PRDM11: variants seen among roughly 807,000 people sequenced by gnomAD.
PRDM11 encodes PR domain-containing protein 11.
PRDM11 carries 20 observed loss-of-function variants against 97.8 expected under a neutral mutation model. The observed-to-expected ratio is 0.20, with a 90% CI of 0.14 to 0.30. The LOEUF (loss-of-function observed/expected upper bound fraction) is 0.30. Ranked by LOEUF, PRDM11 falls within the 10% of genes least tolerant of loss-of-function variation. PRDM11 has a pLI of 1.00. For missense variants in PRDM11, 1,139 were observed against 1,555.2 expected (o/e 0.73, Z 4.50); for synonymous variants, 599 against 637.7 (o/e 0.94, Z 0.91).
At chr11:45,155,525 G>A (rs1039070704) in intron 1 of PRDM11, among the ~76,000 whole-genome samples, 10 of 152,140 alleles carry the variant, frequency 6.6e-5, no homozygotes, top group African/African-American at 2.4e-4. Flanking sequence ...CCCAAACAGA[G>A]TGTCATTTTC....
At chr11:45,157,886 C>T (rs1229709833) in intron 1 of PRDM11, among the ~76,000 whole-genome samples, 1 of 152,110 alleles carries the variant, frequency 6.6e-6, no homozygotes, top group Non-Finnish European at 1.5e-5. Context: ...TCAGGGAAAG[C>T]TGTCAGAAGG....
chr11:45,103,246 G>C (rs1451331083), intron 1 of PRDM11, among the ~76,000 whole-genome samples: 1 of 152,138 alleles, frequency 6.6e-6, no homozygotes, highest in African/African-American at 2.4e-5. Context: ...CCTCCTCCCC[G>C]GCCTTGGAGC....
intron 1 of PRDM11, among the ~76,000 whole-genome samples, chr11:45,149,331 C>G (rs1034655359): frequency 6.6e-6 from 1 of 152,234 alleles, no homozygotes; most frequent in African/African-American, 2.4e-5. Context: ...ATGATCTGGC[C>G]CCTGCCCTTG....
intron 1 of PRDM11, among the ~76,000 whole-genome samples, chr11:45,174,261 G>A (rs1183667446): frequency 6.6e-6 from 1 of 152,150 alleles, no homozygotes; most frequent in East Asian, 1.9e-4. Context: ...ACTGAATTTG[G>A]TGAATATTGT....
In PRDM11 at chr11:45,224,432, G is replaced by T; in HGVS notation, c.958G>T (p.Ala320Ser). 1 of 1,614,224 alleles carries T rather than the reference G, an allele frequency of 6.2e-7. No homozygotes were observed. The highest frequency in any genetic ancestry group is 8.5e-7 in the Non-Finnish European group (1 of 1,180,040). Residue 320 changes from alanine to serine, a missense_variant, in exon 7 of 8, where the codon GCC (alanine) becomes TCC (serine). Around this residue, in one of 2 missense-constraint regions of PRDM11, gnomAD observed 429 missense variants for 510.3 expected, o/e 0.84. Coordinates refer to ENST00000683152, the MANE Select transcript of PRDM11 (RefSeq NM_001384648.1). Reference sequence around the variant, plus strand: ...CTCACTGGAATCTGCGAAGGTGGAAGCCCACCAGTTGGCCCTGAGCACCTC... The same window carrying T: ...CTCACTGGAATCTGCGAAGGTGGAATCCCACCAGTTGGCCCTGAGCACCTC... ...EASLESAKVE[A>S]HQLALSTSLV...
intron 1 of PRDM11, among the ~76,000 whole-genome samples, chr11:45,119,636 A>C (rs1852384299): frequency 1.4e-5 from 2 of 147,454 alleles, no homozygotes; most frequent in Admixed American, 6.7e-5. Flanking sequence ...AAAAAAAAAA[A>C]AAAAAAAAAA....
intron 1 of PRDM11, among the ~76,000 whole-genome samples, chr11:45,141,535 C>T (rs1037817314): frequency 6.6e-6 from 1 of 152,206 alleles, no homozygotes; most frequent in African/African-American, 2.4e-5. Flanking sequence ...GAAAGGATTT[C>T]AGGTAGCTCA....
rs1183339151 is a variant in PRDM11 at position 45,194,590 on chromosome 11, C to CTTTTTTTTTTTTTTTTTTTTTTTTTT, written c.487-10120_487-10119insTTTTTTTTTTTTTTTTTTTTTTTTTT. On this transcript the variant is annotated intron_variant, in intron 4 of 7. Coordinates refer to ENST00000683152, the MANE Select transcript of PRDM11 (RefSeq NM_001384648.1). Reference sequence around the variant, plus strand: ...AGTACTGTGGGATAGTTATTATCTTCTGTTTTTTTTTTTTTTTTTTTTTTT... The same window carrying CTTTTTTTTTTTTTTTTTTTTTTTTTT: ...AGTACTGTGGGATAGTTATTATCTTCTTTTTTTTTTTTTTTTTTTTTTTTTTTGTTTTTTTTTTTTTTTTTTTTTTT... Among the ~76,000 whole-genome samples, 3 of 89,992 alleles carry CTTTTTTTTTTTTTTTTTTTTTTTTTT rather than the reference C, an allele frequency of 3.3e-5. 1 individual carries two copies. The highest frequency in any genetic ancestry group is 4.5e-5 in the Non-Finnish European group (2 of 44,720). The allele number at this position is 89,992 out of a possible 152,430, so 59.0% of individuals were successfully genotyped here. A position where few individuals can be genotyped will look rare whatever the true frequency, so the allele number is the denominator to read the frequency against.
intron 1 of PRDM11, among the ~76,000 whole-genome samples, chr11:45,107,213 G>A (rs1304156181): frequency 1.3e-5 from 2 of 152,164 alleles, no homozygotes; most frequent in Non-Finnish European, 2.9e-5. Flanking sequence ...AGGGTCTGAT[G>A]GAAGCTCAAA....
At chr11:45,222,377 G>A (rs533637428) in intron 6 of PRDM11, among the ~76,000 whole-genome samples, 5 of 152,270 alleles carry the variant, frequency 3.3e-5, no homozygotes, top group South Asian at 2.1e-4. Flanking sequence ...TTGATTTCCC[G>A]ATGTCCTCAG....
At chr11:45,117,083 G>C (rs1481075070) in intron 1 of PRDM11, among the ~76,000 whole-genome samples, 2 of 152,024 alleles carry the variant, frequency 1.3e-5, no homozygotes, top group Admixed American at 6.5e-5. Context: ...AATTAGCTGG[G>C]TGTGGTGGTG....
intron 1 of PRDM11, among the ~76,000 whole-genome samples, chr11:45,150,710 G>A (rs752931760): frequency 6.6e-6 from 1 of 152,174 alleles, no homozygotes; most frequent in Non-Finnish European, 1.5e-5. Context: ...ACATTGACTC[G>A]AGGTCCCTGC....
intron 1 of PRDM11, among the ~76,000 whole-genome samples, chr11:45,159,272 G>A (rs1851876060): frequency 6.6e-6 from 1 of 152,220 alleles, no homozygotes; most frequent in African/African-American, 2.4e-5. Context: ...CCTGGGCCCA[G>A]CAGTGGCCTC....
chr11:45,133,911 A>C (rs1243426776), intron 1 of PRDM11, among the ~76,000 whole-genome samples: 1 of 152,218 alleles, frequency 6.6e-6, no homozygotes, highest in African/African-American at 2.4e-5. Context: ...AGCCATCAGC[A>C]CTGTTTGAGA....
intron 1 of PRDM11, among the ~76,000 whole-genome samples, chr11:45,156,928 A>C (rs1851808433): frequency 6.6e-6 from 1 of 152,210 alleles, no homozygotes; most frequent in Non-Finnish European, 1.5e-5. Flanking sequence ...CCCATGGTTC[A>C]GGAATGGCAA....
At chr11:45,106,528 T>C (rs2082433006) in intron 1 of PRDM11, among the ~76,000 whole-genome samples, 1 of 152,116 alleles carries the variant, frequency 6.6e-6, no homozygotes, top group South Asian at 2.1e-4. Context: ...ATGGATTCTG[T>C]GGGTCAGAAA....
chr11:45,184,864 C>T (rs1305666361), intron 4 of PRDM11, among the ~76,000 whole-genome samples: 4 of 151,934 alleles, frequency 2.6e-5, no homozygotes, highest in African/African-American at 9.7e-5. Flanking sequence ...GAGCGCAGAA[C>T]CTAGGGAGAA....
intron 5 of PRDM11, chr11:45,212,330 A>G (rs1249011991): frequency 6.3e-6 from 2 of 317,664 alleles, no homozygotes; most frequent in Non-Finnish European, 1.3e-5. Flanking sequence ...GGATTTCTCT[A>G]TGGGCGGGGG....
intron 4 of PRDM11, among the ~76,000 whole-genome samples, chr11:45,194,346 G>A (rs1016593928): frequency 6.6e-6 from 1 of 152,068 alleles, no homozygotes; most frequent in Non-Finnish European, 1.5e-5. Flanking sequence ...TAAACTTCCT[G>A]GCTTTGCCGC....
Sources: allele counts gnomAD v4.1 joint callset (sites outside exome capture counted in the v4.1 genomes callset), GRCh38; gene constraint gnomAD v4.1.1; regional missense constraint gnomAD v4.1.1; transcripts MANE v1.5; gene names NCBI Gene and HGNC (gene_info 2026-07-23, HGNC 2026-07-21).